Variants in ANO3 observed in about 807,000 individuals in gnomAD.
ANO3 encodes anoctamin-3.
A neutral mutation model predicts 144.8 loss-of-function variants in ANO3; 99 were observed. The ratio of observed to expected loss-of-function variants is 0.68; its 90% CI spans 0.58 to 0.81. ANO3 has a LOEUF of 0.81. Among genes scored for constraint, ANO3 ranks in the 30% least tolerant of loss-of-function variants. The pLI, the probability that ANO3 is intolerant of heterozygous loss-of-function variation, is 0.00. For synonymous variants in ANO3, 414 were observed against 392.6 expected, an observed-to-expected ratio of 1.05 and a Z score of -0.64; for missense variants, 905 against 1,202.2, an observed-to-expected ratio of 0.75 and a Z score of 3.66.
chr11:26,526,455 A>G (rs1849166318), intron 7 of ANO3, among the ~76,000 whole-genome samples: 1 of 152,200 alleles, frequency 6.6e-6, no homozygotes, highest in African/African-American at 2.4e-5. Context: ...AATGTGGTAG[A>G]GTATGCTCCA....
At chr11:26,522,987 G>A (rs1451627428) in intron 6 of ANO3, among the ~76,000 whole-genome samples, 4 of 152,020 alleles carry the variant, frequency 2.6e-5, no homozygotes, top group African/African-American at 2.4e-5. Context: ...CATGAGACTC[G>A]GTAATTTATA....
chr11:26,312,603 G>A lies in ANO3; in HGVS notation c.-3+2884G>A, dbSNP rs895085569. ...CATTTCTCTGATGGTCAGTGATGAT[G>A]AGAATTTTTTCATGTGTCTGTTGGC... On this transcript the variant is annotated intron_variant, in intron 1 of 26. Transcript: ENST00000525139. Among the ~76,000 whole-genome samples, 19 of 152,294 alleles carry A rather than the reference G, an allele frequency of 1.2e-4. No homozygotes were observed. In the Middle Eastern group the frequency reaches 0.01, roughly 82 times the overall value.
intron 26 of ANO3, among the ~76,000 whole-genome samples, chr11:26,659,540 A>T (rs72883208): frequency 0.086 from 13,026 of 151,522 alleles, 560 homozygotes; most frequent in African/African-American, 0.11. Context: ...CAAATTTTTT[A>T]AAAAAAATTA....
chr11:26,444,111 T>C (rs1180929488), intron 3 of ANO3, among the ~76,000 whole-genome samples: 4 of 152,216 alleles, frequency 2.6e-5, no homozygotes, highest in Admixed American at 1.3e-4. Context: ...GAACATATAG[T>C]CTACTATTTC....
At chr11:26,632,782 A>G (rs2133037823) in intron 18 of ANO3, among the ~76,000 whole-genome samples, 1 of 152,110 alleles carries the variant, frequency 6.6e-6, no homozygotes, top group East Asian at 1.9e-4. Context: ...TTTGTGGACA[A>G]TGCTGAAATA....
Position 26,297,669 on chromosome 11 carries a change from T to C in ANO3, c.155-11976T>C, listed in dbSNP as rs867406230. On this transcript the variant is annotated intron_variant, in intron 1 of 27. Coordinates refer to the ANO3 transcript ENST00000672621. ...TATAGTTTGTAAACAACTTTTTCTC[T>C]TGATTTCAATCATTCATTCAGAGGG... Among the ~76,000 whole-genome samples the C allele has an allele frequency of 6.6e-5, 10 of 152,320 alleles. No homozygotes were observed. In the South Asian group the frequency reaches 1.2e-3, roughly 19 times the overall value.
At chr11:26,592,596 A>C (rs1341423347) in intron 14 of ANO3, among the ~76,000 whole-genome samples, 2 of 144,402 alleles carry the variant, frequency 1.4e-5, no homozygotes, top group Non-Finnish European at 3.0e-5. Context: ...TCTAGTTGCC[A>C]GTCTTCTCCT....
At chr11:26,239,506 C>A (rs1385526895) in intron 1 of ANO3, among the ~76,000 whole-genome samples, 5 of 152,168 alleles carry the variant, frequency 3.3e-5, no homozygotes. Context: ...AGCAGAGCAG[C>A]CCCTTCCAAC....
At chr11:26,517,665 T>A (rs975881368) in intron 6 of ANO3, among the ~76,000 whole-genome samples, 2 of 152,030 alleles carry the variant, frequency 1.3e-5, no homozygotes, top group Non-Finnish European at 2.9e-5. Context: ...ACAAACAGAA[T>A]GCCAAGTAAG....
chr11:26,433,411 C>T (rs574694975), intron 1 of ANO3, among the ~76,000 whole-genome samples: 1 of 152,164 alleles, frequency 6.6e-6, no homozygotes, highest in Admixed American at 6.5e-5. Context: ...ATTGTTTTGG[C>T]CAGGACTTCC....
At chr11:26,551,174 G>T (rs181976379) in intron 12 of ANO3, among the ~76,000 whole-genome samples, 13 of 152,066 alleles carry the variant, frequency 8.5e-5, no homozygotes, top group Non-Finnish European at 1.5e-4. Context: ...GAACCCTCAA[G>T]TGAGTGGGTC....
chr11:26,588,378 C>A (rs1274378686), intron 14 of ANO3, among the ~76,000 whole-genome samples: 2 of 152,038 alleles, frequency 1.3e-5, no homozygotes, highest in Non-Finnish European at 2.9e-5. Flanking sequence ...ATGTGGATTA[C>A]CTGAAAGTTG....
chr11:26,307,171 T>C (rs993578425), upstream of ANO3, among the ~76,000 whole-genome samples: 11 of 151,306 alleles, frequency 7.3e-5, no homozygotes, highest in African/African-American at 1.7e-4. Context: ...CTAGCCAACA[T>C]AGTAAAACCC....
chr11:26,556,572 A>T (rs1786887927), intron 13 of ANO3, among the ~76,000 whole-genome samples: 1 of 152,200 alleles, frequency 6.6e-6, no homozygotes, highest in African/African-American at 2.4e-5. Flanking sequence ...CAATTGGTCA[A>T]GGGTGAGGCC....
intron 7 of ANO3, among the ~76,000 whole-genome samples, chr11:26,527,465 G>C (rs923076682): frequency 6.6e-6 from 1 of 151,688 alleles, no homozygotes; most frequent in African/African-American, 2.4e-5. Flanking sequence ...GGAGAGGTAG[G>C]GAATAAATAG....
At chr11:26,394,264 C>T (rs769688659) in intron 1 of ANO3, among the ~76,000 whole-genome samples, 2 of 151,970 alleles carry the variant, frequency 1.3e-5, no homozygotes, top group Non-Finnish European at 2.9e-5. Context: ...TTTGAAAAAC[C>T]TCAGATGAAT....
At chr11:26,483,269 T>C (rs1327168236) in intron 4 of ANO3, among the ~76,000 whole-genome samples, 1 of 152,190 alleles carries the variant, frequency 6.6e-6, no homozygotes, top group Non-Finnish European at 1.5e-5. Flanking sequence ...TTAGTCATTA[T>C]GACTTTTGTA....
intron 14 of ANO3, among the ~76,000 whole-genome samples, chr11:26,584,148 T>C (rs1851211255): frequency 1.4e-5 from 1 of 71,696 alleles, no homozygotes; most frequent in African/African-American, 3.3e-5. Flanking sequence ...GTCTTGTTTT[T>C]TTGTTTGTTT....
At chr11:26,412,795 A>T (rs1473065172) in intron 1 of ANO3, among the ~76,000 whole-genome samples, 1 of 140,130 alleles carries the variant, frequency 7.1e-6, no homozygotes, top group Admixed American at 7.3e-5. Context: ...GAGAAAGGAA[A>T]GTGTGTGTGT....
Sources: allele counts gnomAD v4.1 joint callset (sites outside exome capture counted in the v4.1 genomes callset), GRCh38; gene constraint gnomAD v4.1.1; transcripts MANE v1.5; gene names NCBI Gene and HGNC (gene_info 2026-07-23, HGNC 2026-07-21).